The following C12orf76 variants were observed in gnomAD, a reference collection of about 807,000 sequenced individuals.
C12orf76 encodes chromosome 12 open reading frame 76.
In C12orf76, 6 loss-of-function variants were observed where a neutral mutation model predicts 6.8. That is an observed-to-expected ratio of 0.88 (90% CI 0.48 to 1.73). The LOEUF is 1.73. C12orf76 is among the 40% of genes most tolerant of loss of function. C12orf76 has a pLI of 0.01. For synonymous variants in C12orf76, 56 were observed against 43.7 expected (o/e 1.28, Z -1.11); for missense variants, 99 against 98.2 (o/e 1.01, Z -0.03).
chr12:110,068,232 GAGAAGAAGAAGAAGAAAGAAGAAGAAGA>G (rs1566079917), upstream of C12orf76, among the ~76,000 whole-genome samples: 44 of 138,192 alleles, frequency 3.2e-4, no homozygotes, highest in African/African-American at 1.2e-3. Context: ...AGAAGGAGAA[GAGAAGAAGAAGAAGAAAGAAGAAGAAGA>G]AGAAGAAGAA....
chr12:110,069,684 G>A (rs1892937790), upstream of C12orf76, among the ~76,000 whole-genome samples: 1 of 152,174 alleles, frequency 6.6e-6, no homozygotes, highest in Non-Finnish European at 1.5e-5. Flanking sequence ...GCAGCAAGAT[G>A]CTCACTCTGT....
intron 4 of C12orf76, chr12:110,056,838 C>T (rs555036149): frequency 4.8e-5 from 10 of 210,262 alleles, no homozygotes; most frequent in African/African-American, 1.4e-4. Flanking sequence ...CCTGCCACCA[C>T]GTAAGACGTA....
chr12:110,056,498 C>A (rs1187517768), intron 4 of C12orf76, among the ~76,000 whole-genome samples: 1 of 151,874 alleles, frequency 6.6e-6, no homozygotes, highest in African/African-American at 2.4e-5. Flanking sequence ...ATAGTCACAG[C>A]TACTCATTAG....
upstream of C12orf76, among the ~76,000 whole-genome samples, chr12:110,068,664 G>A (rs961153432): frequency 6.6e-6 from 1 of 152,176 alleles, no homozygotes; most frequent in African/African-American, 2.4e-5. Flanking sequence ...ACAGGTTCTT[G>A]TTTAATTTCC....
intron 2 of C12orf76, among the ~76,000 whole-genome samples, chr12:110,065,327 C>T (rs910270282): frequency 2.2e-4 from 34 of 151,914 alleles, no homozygotes; most frequent in Middle Eastern, 3.2e-3. Context: ...CCTGCCACCA[C>T]GCCCAGCTAA....
At chr12:110,059,436 G>A (rs1476702013) in intron 2 of C12orf76, among the ~76,000 whole-genome samples, 1 of 152,114 alleles carries the variant, frequency 6.6e-6, no homozygotes, top group African/African-American at 2.4e-5. Context: ...GGGCATCCTC[G>A]TCCTGTTCCT....
upstream of C12orf76, among the ~76,000 whole-genome samples, chr12:110,068,256 G>GAAGAAA (rs1487947449): frequency 0.012 from 771 of 65,730 alleles, 15 homozygotes; most frequent in African/African-American, 0.028. Flanking sequence ...GAAAGAAGAA[G>GAAGAAA]AAGAAGAAGA....
intron 1 of C12orf76, among the ~76,000 whole-genome samples, chr12:110,067,208 G>A (rs984994244): frequency 3.9e-5 from 6 of 152,154 alleles, no homozygotes; most frequent in Admixed American, 2.6e-4. Context: ...CATCGTAAGC[G>A]GCTTGGTTTA....
upstream of C12orf76, among the ~76,000 whole-genome samples, chr12:110,053,447 C>A (rs537381808): frequency 2.6e-3 from 389 of 152,176 alleles, 5 homozygotes; most frequent in African/African-American, 8.7e-3. Context: ...TGCAGTGAAC[C>A]GAGATTGCAC....
chr12:110,068,234 GA>G (rs755469427), upstream of C12orf76, among the ~76,000 whole-genome samples: 24 of 126,974 alleles, frequency 1.9e-4, no homozygotes, highest in East Asian at 4.6e-3. Context: ...AAGGAGAAGA[GA>G]AGAAGAAGAA....
chr12:110,065,422 T>C (rs565566810), intron 2 of C12orf76, among the ~76,000 whole-genome samples: 9 of 152,152 alleles, frequency 5.9e-5, no homozygotes, highest in South Asian at 4.1e-4. Context: ...CTGCCCGCCT[T>C]GGCCTCTCAA....
At chr12:110,063,296 G>A (rs1425033734) in intron 2 of C12orf76, among the ~76,000 whole-genome samples, 1 of 151,324 alleles carries the variant, frequency 6.6e-6, no homozygotes, top group South Asian at 2.1e-4. Flanking sequence ...ATTTTTTATT[G>A]TTTTGAGACG....
At position 110,042,225 on chromosome 12, in the gene C12orf76, GT is replaced by G. The variant is rs1892332795; in HGVS notation, c.*148del. On this transcript the variant is annotated 3_prime_UTR_variant, in exon 2 of 2. Transcript: ENST00000615315. ...TAGGAAAAAATAATGTCTAGTACAT[GT>G]TTTCTTCTAATTCATTTAGCATTTA... The G allele has an allele frequency of 4.7e-6, 3 of 645,056 alleles. No homozygotes were observed. Among genetic ancestry groups the G allele is most frequent in the Non-Finnish European group, 8.4e-6 (3 of 356,410 alleles). The allele number at this position is 645,056 out of a possible 1,614,324, so 40.0% of individuals were successfully genotyped here. A position where few individuals can be genotyped will look rare whatever the true frequency, so the allele number is the denominator to read the frequency against.
upstream of C12orf76, among the ~76,000 whole-genome samples, chr12:110,069,498 A>G (rs912591884): frequency 5.9e-5 from 9 of 152,212 alleles, no homozygotes; most frequent in Admixed American, 5.9e-4. Context: ...TTAAACCCTT[A>G]AATTGTCCAC....
At chr12:110,042,936 C>T (rs1212517730) in intron 1 of C12orf76, among the ~76,000 whole-genome samples, 1 of 151,996 alleles carries the variant, frequency 6.6e-6, no homozygotes, top group African/African-American at 2.4e-5. Context: ...CATCCGCCAG[C>T]TACTCAGGAG....
upstream of C12orf76, among the ~76,000 whole-genome samples, chr12:110,068,330 A>AGAAGAC (rs1566080349): frequency 1.7e-5 from 2 of 116,662 alleles, no homozygotes; most frequent in Non-Finnish European, 3.9e-5. Flanking sequence ...AAGAAGAAGA[A>AGAAGAC]GGCGGCCAAA....
intron 1 of C12orf76, chr12:110,045,900 A>G (rs920414916): frequency 7.7e-5 from 15 of 193,758 alleles, no homozygotes; most frequent in African/African-American, 1.6e-4. Context: ...TGGAGGTTGC[A>G]GTGAACCAAG....
chr12:110,058,538 G>A (rs1400976273), intron 3 of C12orf76, among the ~76,000 whole-genome samples: 8 of 152,132 alleles, frequency 5.3e-5, no homozygotes, highest in African/African-American at 1.4e-4. Context: ...GGTGGTGCAT[G>A]CTTGTAATCC....
At chr12:110,060,226 C>G (rs1008049635) in intron 2 of C12orf76, among the ~76,000 whole-genome samples, 2 of 152,068 alleles carry the variant, frequency 1.3e-5, no homozygotes, top group Non-Finnish European at 2.9e-5. Flanking sequence ...AACTCTGTCT[C>G]CAAAATACCC....
Sources: allele counts gnomAD v4.1 joint callset (sites outside exome capture counted in the v4.1 genomes callset), GRCh38; gene constraint gnomAD v4.1.1; transcripts MANE v1.5; gene names NCBI Gene and HGNC (gene_info 2026-07-23, HGNC 2026-07-21).